Variants in TDRP observed in about 807,000 individuals in gnomAD.
TDRP encodes testis development related protein, also known as testis development-related protein.
In TDRP, 12 loss-of-function variants were observed where a neutral mutation model predicts 10.5. That is an observed-to-expected ratio of 1.15 (90% CI 0.73 to 1.86). The LOEUF is 1.86. Among genes scored for constraint, TDRP ranks in the 40% most tolerant of loss-of-function variants. The pLI is 0.00. For synonymous variants in TDRP, 139 were observed against 95.4 expected, an observed-to-expected ratio of 1.46 and a Z score of -2.67; for missense variants, 353 against 229.2, an observed-to-expected ratio of 1.54 and a Z score of -3.49.
chr8:504,922 T>C (rs534115599), intron 1 of TDRP, among the ~76,000 whole-genome samples: 1 of 152,154 alleles, frequency 6.6e-6, no homozygotes, highest in African/African-American at 2.4e-5. Context: ...CTATGTCCTT[T>C]TTAAGATACA....
At chr8:524,836 A>G (rs1397115497) in intron 1 of TDRP, among the ~76,000 whole-genome samples, 1 of 152,222 alleles carries the variant, frequency 6.6e-6, no homozygotes, top group East Asian at 1.9e-4. Context: ...AAAAAGGCAA[A>G]GCTAGGAGTT....
chr8:492,422 C>T lies in TDRP; in HGVS notation c.535G>A (p.Asp179Asn). The stretch of plus-strand genomic sequence containing the variant: ...CCTCACTCCGCCTCCTCCGGGCTAT[C>T]TGTCAGGTGGCCTTTACTCTGCCGT... ...IRRQSKGHLT[D>N]SPEEAE Residue 179 changes from aspartate to asparagine, a missense_variant, in exon 3 of 3, where the codon GAT becomes AAT. Physicochemically the swap from Asp to Asn is conservative, Grantham distance 23. Transcript: ENST00000324079. 1.3e-6 allele frequency: 2 copies of T among 1,565,964 alleles called. No homozygotes were observed. The highest frequency in any genetic ancestry group is 1.7e-6 in the Non-Finnish European group (2 of 1,152,390).
intron 1 of TDRP, among the ~76,000 whole-genome samples, chr8:526,501 ATGATG>A (rs1802039024): frequency 6.6e-6 from 1 of 152,220 alleles, no homozygotes; most frequent in Non-Finnish European, 1.5e-5. Flanking sequence ...TTGTGTTGAT[ATGATG>A]TATCACGTTG....
chr8:544,835 G>A (rs993569610), upstream of TDRP: 3 of 1,078,628 alleles, frequency 2.8e-6, no homozygotes, highest in African/African-American at 4.9e-5. Flanking sequence ...CGGACGCTCT[G>A]CCTGCGGCTC....
At chr8:502,406 G>A (rs1801331001) in intron 1 of TDRP, among the ~76,000 whole-genome samples, 2 of 152,210 alleles carry the variant, frequency 1.3e-5, no homozygotes, top group East Asian at 1.9e-4. Context: ...AGGGTGCCAG[G>A]CCAACGACCC....
At chr8:531,836 C>A (rs1276878528) in intron 1 of TDRP, among the ~76,000 whole-genome samples, 1 of 152,132 alleles carries the variant, frequency 6.6e-6, no homozygotes, top group Non-Finnish European at 1.5e-5. Context: ...TGAGTAGTTA[C>A]AAGAAAACAT....
chr8:520,022 G>C (rs1801858017), intron 1 of TDRP, among the ~76,000 whole-genome samples: 1 of 152,238 alleles, frequency 6.6e-6, no homozygotes, highest in South Asian at 2.1e-4. Context: ...GGGAATGGAG[G>C]TCACAGCACG....
intron 1 of TDRP, among the ~76,000 whole-genome samples, chr8:520,149 A>C (rs1192255209): frequency 6.6e-6 from 1 of 152,238 alleles, no homozygotes; most frequent in Admixed American, 6.5e-5. Flanking sequence ...GTTTGAAGCC[A>C]AGCTGCTCAG....
At chr8:503,644 C>T (rs1254222972) in intron 1 of TDRP, among the ~76,000 whole-genome samples, 1 of 142,368 alleles carries the variant, frequency 7.0e-6, no homozygotes, top group East Asian at 2.2e-4. Context: ...GCCACACACA[C>T]TGGAACCAAT....
intron 1 of TDRP, among the ~76,000 whole-genome samples, chr8:522,701 C>A (rs560475934): frequency 5.9e-5 from 9 of 152,292 alleles, no homozygotes; most frequent in Admixed American, 5.2e-4. Flanking sequence ...CCGACTGACT[C>A]GGTGCACCTA....
rs373618811 is a variant in TDRP at position 491,738 on chromosome 8, T to A, written c.*661A>T. On this transcript the variant is annotated 3_prime_UTR_variant, in exon 3 of 3. Coordinates refer to ENST00000324079, the MANE Select transcript of TDRP (RefSeq NM_001384899.1). ...GACCGATTTAGAAGTTCAAAAGAGG[T>A]AAAAATAAAATTCCAAAAAAGAACC... The A allele has an allele frequency of 5.2e-5, 74 of 1,419,772 alleles. No homozygotes were observed. The African/African-American group carries it at 9.6e-4, about 18-fold the overall frequency. 87.9% of individuals were successfully genotyped at this position (1,419,772 alleles called of 1,614,324 possible). A position where few individuals can be genotyped will look rare whatever the true frequency, so the allele number is the denominator to read the frequency against.
At chr8:506,453 C>T (rs1801467505) in intron 1 of TDRP, among the ~76,000 whole-genome samples, 1 of 152,166 alleles carries the variant, frequency 6.6e-6, no homozygotes, top group Non-Finnish European at 1.5e-5. Context: ...CCCCAGCTGC[C>T]TGTGGCTGAC....
At chr8:498,683 T>C (rs978047335) in intron 1 of TDRP, among the ~76,000 whole-genome samples, 2 of 152,142 alleles carry the variant, frequency 1.3e-5, no homozygotes, top group Non-Finnish European at 2.9e-5. Flanking sequence ...GAACATTACA[T>C]TTGGGAGGGG....
chr8:507,659 A>T lies in TDRP; in HGVS notation c.109-13062T>A, dbSNP rs78673674. Among the ~76,000 whole-genome samples, 403 of 152,312 alleles carry T rather than the reference A, an allele frequency of 2.6e-3. 6 individuals carry two copies. The East Asian group carries it at 0.042, about 16-fold the overall frequency. ...GGAGCTAAATTACACCACTGGGGGC[A>T]GGGTGGAGAATTGACTTCTCTAAAA... On this transcript the variant is annotated intron_variant, in intron 1 of 2. Coordinates refer to ENST00000324079, the MANE Select transcript of TDRP (RefSeq NM_001384899.1).
upstream of TDRP, chr8:544,897 C>A (rs1389603078): frequency 9.9e-6 from 5 of 505,090 alleles, no homozygotes; most frequent in Middle Eastern, 6.0e-4. Context: ...GGGCGGGGCA[C>A]CCCCAGAACT....
chr8:538,897 G>C (rs939749388), intron 1 of TDRP, among the ~76,000 whole-genome samples: 1 of 152,226 alleles, frequency 6.6e-6, no homozygotes, highest in Non-Finnish European at 1.5e-5. Context: ...TATGCTGCTG[G>C]TTGGAACGTA....
At chr8:527,599 C>T (rs543955290) in intron 1 of TDRP, among the ~76,000 whole-genome samples, 2 of 152,210 alleles carry the variant, frequency 1.3e-5, no homozygotes, top group African/African-American at 4.8e-5. Flanking sequence ...AGAAACAAAT[C>T]CATACATCTA....
chr8:498,080 A>T (rs1367751318), intron 1 of TDRP, among the ~76,000 whole-genome samples: 1 of 152,200 alleles, frequency 6.6e-6, no homozygotes, highest in African/African-American at 2.4e-5. Context: ...CTAGGGCAGC[A>T]TGCAAGGGAA....
chr8:526,127 G>C (rs1034516696), intron 1 of TDRP, among the ~76,000 whole-genome samples: 2 of 152,092 alleles, frequency 1.3e-5, no homozygotes, highest in Non-Finnish European at 2.9e-5. Context: ...GTGAGCCTTT[G>C]AATTTCTGCA....
Sources: gnomAD v4.1 joint callset for allele counts (sites outside exome capture counted in the v4.1 genomes callset) on GRCh38, gnomAD v4.1.1 for gene constraint, MANE v1.5 for transcripts, NCBI Gene and HGNC (gene_info 2026-07-23, HGNC 2026-07-21) for gene names.